CLDN10: variants seen among roughly 807,000 people sequenced by gnomAD.
CLDN10 encodes claudin-10.
A neutral mutation model predicts 22.9 loss-of-function variants in CLDN10; 15 were observed. The observed-to-expected ratio is 0.65, with a 90% CI of 0.44 to 1.01. The LOEUF is 1.01. Ranked by LOEUF, CLDN10 falls within the 50% of genes least tolerant of loss-of-function variation. The pLI is 0.00. For synonymous variants in CLDN10, 114 were observed against 111.4 expected (o/e 1.02, Z -0.15); for missense variants, 247 against 287.8 (o/e 0.86, Z 1.03).
intron 1 of CLDN10, among the ~76,000 whole-genome samples, chr13:95,519,677 T>C (rs1342340188): frequency 6.6e-6 from 1 of 151,848 alleles, no homozygotes; most frequent in East Asian, 1.9e-4. Flanking sequence ...TTCCTAACTC[T>C]TAACAGTGCA....
At chr13:95,550,895 G>C (rs1222434917), upstream of CLDN10, among the ~76,000 whole-genome samples, 1 of 131,422 alleles carries the variant, frequency 7.6e-6, no homozygotes, top group South Asian at 2.3e-4. Flanking sequence ...GGATAGTCTC[G>C]ATCTCCTGAC....
intron 1 of CLDN10, among the ~76,000 whole-genome samples, chr13:95,463,930 T>C (rs539316157): frequency 4.5e-4 from 69 of 152,252 alleles, no homozygotes; most frequent in African/African-American, 1.6e-3. Context: ...TAAATTTCAC[T>C]CTGTGATCAA....
chr13:95,493,263 C>G (rs1566299613), intron 1 of CLDN10, among the ~76,000 whole-genome samples: 1 of 152,066 alleles, frequency 6.6e-6, no homozygotes, highest in Non-Finnish European at 1.5e-5. Flanking sequence ...CCTTGCCAGC[C>G]CAGGTGCACC....
chr13:95,564,551 G>A (rs2043758420), intron 3 of CLDN10, among the ~76,000 whole-genome samples: 1 of 152,142 alleles, frequency 6.6e-6, no homozygotes, highest in Non-Finnish European at 1.5e-5. Context: ...TCAGAGCATG[G>A]TTTTGTTGTT....
At chr13:95,551,123 A>G (rs3759451), upstream of CLDN10, among the ~76,000 whole-genome samples, 93,012 of 151,850 alleles carry the variant, frequency 0.61, 29,040 homozygotes, top group Non-Finnish European at 0.69. Flanking sequence ...CCATGGGACC[A>G]TTAAGCACAG....
At chr13:95,517,010 CCTTCCTTCCTT>C (rs1219742671) in intron 1 of CLDN10, among the ~76,000 whole-genome samples, 89 of 110,774 alleles carry the variant, frequency 8.0e-4, no homozygotes, top group African/African-American at 1.8e-3. Flanking sequence ...TTCCTTCCTT[CCTTCCTTCCTT>C]CCTCCCTCCC....
At chr13:95,575,237 A>T (rs1466216178) in intron 3 of CLDN10, among the ~76,000 whole-genome samples, 1 of 152,230 alleles carries the variant, frequency 6.6e-6, no homozygotes, top group African/African-American at 2.4e-5. Context: ...AGCGTTATAC[A>T]ATTATAGTCA....
chr13:95,520,231 AC>A (rs960829498), intron 1 of CLDN10, among the ~76,000 whole-genome samples: 1 of 152,196 alleles, frequency 6.6e-6, no homozygotes, highest in African/African-American at 2.4e-5. Flanking sequence ...TTTAAGCAAA[AC>A]TTCCATATTA....
At chr13:95,437,352 C>A (rs1191206291) in intron 1 of CLDN10, among the ~76,000 whole-genome samples, 2 of 152,226 alleles carry the variant, frequency 1.3e-5, no homozygotes, top group African/African-American at 4.8e-5. Flanking sequence ...AAAGCCAATT[C>A]ACTATCTTTA....
At chr13:95,510,165 T>G (rs2043081301) in intron 1 of CLDN10, among the ~76,000 whole-genome samples, 1 of 152,170 alleles carries the variant, frequency 6.6e-6, no homozygotes, top group African/African-American at 2.4e-5. Flanking sequence ...TCCTTCCCTT[T>G]CCCCAGAGGG....
intron 1 of CLDN10, among the ~76,000 whole-genome samples, chr13:95,445,107 A>G (rs1404799002): frequency 3.3e-5 from 5 of 152,212 alleles, no homozygotes; most frequent in African/African-American, 2.4e-5. Flanking sequence ...TGGAAATGTT[A>G]TCTACTTCAG....
intron 1 of CLDN10, among the ~76,000 whole-genome samples, chr13:95,517,257 G>A (rs2043178798): frequency 6.6e-6 from 1 of 151,066 alleles, no homozygotes; most frequent in Admixed American, 6.6e-5. Flanking sequence ...GCCATTTACT[G>A]AGCCCTTGCT....
At chr13:95,526,834 G>A (rs1026114914) in intron 1 of CLDN10, among the ~76,000 whole-genome samples, 4 of 151,312 alleles carry the variant, frequency 2.6e-5, no homozygotes, top group African/African-American at 9.7e-5. Flanking sequence ...ATGGCGAGAA[G>A]GAAAGGAGAG....
In CLDN10 at chr13:95,560,604, T is replaced by C. The variant is rs1354955281; in HGVS notation, c.464+141T>C. 32 of 669,580 alleles carry C rather than the reference T, an allele frequency of 4.8e-5. No individual in the cohort carries two copies. In the East Asian group the frequency reaches 8.1e-4, roughly 17 times the overall value. The allele number at this position is 669,580 out of a possible 1,614,324, so 41.5% of individuals were successfully genotyped here. ...TGGTAACTGATGACATCATTCAAGA[T>C]TAAATGTGTCATATGCCACATACGC... On this transcript the variant is annotated intron_variant, in intron 3 of 4. Transcript: ENST00000299339.
chr13:95,502,863 C>A (rs1165980823), intron 1 of CLDN10, among the ~76,000 whole-genome samples: 1 of 152,212 alleles, frequency 6.6e-6, no homozygotes, highest in Non-Finnish European at 1.5e-5. Flanking sequence ...TCTCCCGATG[C>A]ATTATGCTCA....
chr13:95,482,094 A>T (rs2042754134), intron 1 of CLDN10, among the ~76,000 whole-genome samples: 1 of 152,198 alleles, frequency 6.6e-6, no homozygotes, highest in Non-Finnish European at 1.5e-5. Context: ...GATTGTTTGT[A>T]ACACTAAGGA....
intron 1 of CLDN10, among the ~76,000 whole-genome samples, chr13:95,456,734 G>T (rs2042485368): frequency 6.6e-6 from 1 of 152,166 alleles, no homozygotes; most frequent in Non-Finnish European, 1.5e-5. Flanking sequence ...TCCAGCTTGT[G>T]CTACAGAGGG....
intron 1 of CLDN10, among the ~76,000 whole-genome samples, chr13:95,496,113 T>C (rs2042927292): frequency 6.6e-6 from 1 of 152,218 alleles, no homozygotes; most frequent in South Asian, 2.1e-4. Flanking sequence ...CTTTGCCCTT[T>C]CTCAGGCTGT....
intron 1 of CLDN10, among the ~76,000 whole-genome samples, chr13:95,543,300 C>T (rs1266739733): frequency 6.6e-6 from 1 of 152,118 alleles, no homozygotes; most frequent in Non-Finnish European, 1.5e-5. Context: ...TCAGCCAGAG[C>T]TTTTCAGGTG....
Sources: allele counts gnomAD v4.1 joint callset (sites outside exome capture counted in the v4.1 genomes callset), GRCh38; gene constraint gnomAD v4.1.1; transcripts MANE v1.5; gene names NCBI Gene and HGNC (gene_info 2026-07-23, HGNC 2026-07-21).